The following NEBL variants were observed in gnomAD, a reference collection of about 807,000 sequenced individuals.
The protein encoded by NEBL is nebulette.
A neutral mutation model predicts 140.2 loss-of-function variants in NEBL; 122 were observed. The observed-to-expected ratio is 0.87, with a 90% confidence interval of 0.75 to 1.01. NEBL has a LOEUF of 1.01. Among genes scored for constraint, NEBL ranks in the 50% least tolerant of loss-of-function variants. The pLI is 0.00. For synonymous variants in NEBL, 436 were observed against 398.9 expected (o/e 1.09, Z -1.11); for missense variants, 1,365 against 1,231.3 (o/e 1.11, Z -1.62).
intron 3 of NEBL, among the ~76,000 whole-genome samples, chr10:20,965,426 A>G (rs1398225282): frequency 3.9e-5 from 6 of 152,190 alleles, no homozygotes. Flanking sequence ...GGAGGAAGAA[A>G]GCCACACAGA....
intron 1 of NEBL, among the ~76,000 whole-genome samples, chr10:21,254,227 C>G (rs1232692386): frequency 1.3e-5 from 2 of 152,010 alleles, no homozygotes; most frequent in African/African-American, 4.8e-5. Flanking sequence ...AGCCTTGAAC[C>G]ACTGGGCTCA....
At chr10:21,251,493 C>T (rs548895368) in intron 2 of NEBL, among the ~76,000 whole-genome samples, 98 of 152,216 alleles carry the variant, frequency 6.4e-4, no homozygotes, top group Non-Finnish European at 1.1e-3. Flanking sequence ...TCCCAAAATT[C>T]CACCTGAAAC....
chr10:21,150,971 A>G (rs953552596), intron 2 of NEBL, among the ~76,000 whole-genome samples: 2 of 152,212 alleles, frequency 1.3e-5, no homozygotes, highest in African/African-American at 4.8e-5. Flanking sequence ...AGCCAAGCCA[A>G]GGAAAATTAA....
At chr10:20,973,480 C>A (rs1836668566) in intron 3 of NEBL, among the ~76,000 whole-genome samples, 1 of 152,062 alleles carries the variant, frequency 6.6e-6, no homozygotes, top group Admixed American at 6.5e-5. Flanking sequence ...AAATTCCGGG[C>A]CTCAAGTGAT....
At chr10:21,083,831 G>A (rs1169640731) in intron 2 of NEBL, among the ~76,000 whole-genome samples, 1 of 152,032 alleles carries the variant, frequency 6.6e-6, no homozygotes, top group Non-Finnish European at 1.5e-5. Context: ...GGTGACAAAT[G>A]TGCAAATGTG....
At chr10:21,036,574 GAT>G (rs1429676370) in intron 2 of NEBL, among the ~76,000 whole-genome samples, 24 of 152,274 alleles carry the variant, frequency 1.6e-4, no homozygotes, top group African/African-American at 5.5e-4. Flanking sequence ...AACAGCCAAT[GAT>G]ATCAGACAGA....
intron 3 of NEBL, among the ~76,000 whole-genome samples, chr10:20,974,770 C>T (rs1305751274): frequency 6.6e-6 from 1 of 152,130 alleles, no homozygotes; most frequent in East Asian, 1.9e-4. Flanking sequence ...TGTAAAATAA[C>T]TGCAGTCTTA....
chr10:21,186,636 A>G (rs1418645907), intron 3 of NEBL, among the ~76,000 whole-genome samples: 3 of 152,154 alleles, frequency 2.0e-5, no homozygotes, highest in South Asian at 2.1e-4. Context: ...AAACTTTCTT[A>G]AAACATTATG....
At chr10:20,934,849 A>G (rs1834392835) in intron 4 of NEBL, among the ~76,000 whole-genome samples, 1 of 152,238 alleles carries the variant, frequency 6.6e-6, no homozygotes, top group South Asian at 2.1e-4. Context: ...CTATTTCATT[A>G]ACAGACAAAT....
At chr10:20,969,260 T>A (rs1208775208) in intron 3 of NEBL, among the ~76,000 whole-genome samples, 1 of 152,118 alleles carries the variant, frequency 6.6e-6, no homozygotes, top group Non-Finnish European at 1.5e-5. Flanking sequence ...ATCTCATAAT[T>A]TGTAAATCTA....
intron 3 of NEBL, among the ~76,000 whole-genome samples, chr10:20,969,544 C>CTTTTTTT (rs771623257): frequency 9.5e-5 from 11 of 115,748 alleles, no homozygotes; most frequent in Non-Finnish European, 1.2e-4. Context: ...TTTTTCTTTT[C>CTTTTTTT]TTTTTTTTTT....
upstream of NEBL, among the ~76,000 whole-genome samples, chr10:20,898,628 T>C (rs190610780): frequency 1.3e-5 from 2 of 151,596 alleles, no homozygotes; most frequent in African/African-American, 4.9e-5. Context: ...CCCCAGTCTC[T>C]GTCCCTGCCA....
Position 20,785,885 on chromosome 10 carries a change from A to T in NEBL, c.2907T>A (p.Asp969Glu). The T allele has an allele frequency of 6.2e-7, 1 of 1,614,044 alleles. No individual in the cohort carries two copies. The highest frequency in any genetic ancestry group is 8.5e-7 in the Non-Finnish European group (1 of 1,179,950). Residue 969 changes from aspartate (D) to glutamate (E), a missense_variant, in exon 28 of 28, where the codon GAT becomes GAA. Around this residue, in one of 2 missense-constraint regions of NEBL, gnomAD observed 42 missense variants for 76.5 expected, o/e 0.55. Transcript: ENST00000377122. ...CGTCTCTAAAGGAGACCTCGTCTTC[A>T]TCCTGGGCACTGTAATCGTACATGG... ...YRAMYDYSAQ[D>E]EDEVSFRDGD...
Position 20,867,036 on chromosome 10 carries a change from G to A in NEBL, c.684+1628C>T, listed in dbSNP as rs184461799. ...GATCTTATATTTAAAATATTAAAAT[G>A]TTCTCATCAAATGCATTAGAAGTAC... is the stretch of plus-strand genomic sequence containing the variant. On this transcript the variant is annotated intron_variant, in intron 7 of 27. Coordinates refer to ENST00000377122, the MANE Select transcript of NEBL (RefSeq NM_006393.3). Among the ~76,000 whole-genome samples, 134 of 152,090 alleles carry A rather than the reference G, an allele frequency of 8.8e-4. 1 individual carries two copies. The South Asian group carries it at 0.015, about 17-fold the overall frequency.
At position 21,072,894 on chromosome 10, in the gene NEBL, G is replaced by C. The variant is rs145246977; in HGVS notation, c.165-52693C>G. ...CAATCCTAGCTACTTGGGAGGCTGAGGCATGAGAATTGCTTAAACCCAGGA... is the reference window on the plus strand; with the variant it reads ...CAATCCTAGCTACTTGGGAGGCTGACGCATGAGAATTGCTTAAACCCAGGA... On this transcript the variant is annotated intron_variant, in intron 2 of 6. Coordinates refer to the NEBL transcript ENST00000417816. 4.1e-3 allele frequency among the ~76,000 whole-genome samples: 632 copies of C among 152,326 alleles called. 4 individuals carry two copies. Among genetic ancestry groups the C allele is most frequent in the Non-Finnish European group, 6.4e-3 (435 of 68,016 alleles).
chr10:21,118,556 G>A (rs1443377724), intron 2 of NEBL, among the ~76,000 whole-genome samples: 2 of 151,926 alleles, frequency 1.3e-5, no homozygotes, highest in Non-Finnish European at 2.9e-5. Flanking sequence ...AACCTCTGGG[G>A]AAAGATTTTC....
At chr10:20,999,557 T>A (rs1837804278) in intron 3 of NEBL, among the ~76,000 whole-genome samples, 1 of 152,088 alleles carries the variant, frequency 6.6e-6, no homozygotes, top group Non-Finnish European at 1.5e-5. Context: ...TGTGATTGCA[T>A]CAATGCACTC....
chr10:21,020,576 C>G (rs1008618858), intron 2 of NEBL, among the ~76,000 whole-genome samples: 2 of 152,184 alleles, frequency 1.3e-5, no homozygotes, highest in East Asian at 3.9e-4. Context: ...CAGTGCCTGC[C>G]CATCTCCTCT....
At chr10:20,922,408 C>T (rs1301537799) in intron 4 of NEBL, among the ~76,000 whole-genome samples, 1 of 152,166 alleles carries the variant, frequency 6.6e-6, no homozygotes, top group East Asian at 1.9e-4. Context: ...CAGTGATACT[C>T]CAATAAATTC....
Sources: gnomAD v4.1 joint callset for allele counts (sites outside exome capture counted in the v4.1 genomes callset) on GRCh38, gnomAD v4.1.1 for gene constraint, gnomAD v4.1.1 regional missense constraint, MANE v1.5 for transcripts, NCBI Gene and HGNC (gene_info 2026-07-23, HGNC 2026-07-21) for gene names.